Variants in DLG1 observed in about 807,000 individuals in gnomAD.
The protein encoded by DLG1 is discs large MAGUK scaffold protein 1, also known as disks large homolog 1.
In DLG1, 42 loss-of-function variants were observed where a neutral mutation model predicts 123.4. The observed-to-expected ratio is 0.34, with a 90% CI of 0.27 to 0.44. The LOEUF (loss-of-function observed/expected upper bound fraction) is 0.44, where lower values mean the gene tolerates loss of function less well. DLG1 is among the 20% of genes least tolerant of loss of function. DLG1 has a pLI of 1.00. For synonymous variants in DLG1, 317 were observed against 356.2 expected, an observed-to-expected ratio of 0.89 and a Z score of 1.24; for missense variants, 942 against 1,082.6, an observed-to-expected ratio of 0.87 and a Z score of 1.82.
chr3:197,204,361 C>T (rs1727450174), intron 4 of DLG1, among the ~76,000 whole-genome samples: 1 of 152,224 alleles, frequency 6.6e-6, no homozygotes, highest in South Asian at 2.1e-4. Context: ...AAAGCTGCTA[C>T]AGGACCAACT....
At chr3:197,092,321 G>T (rs11185463) in intron 14 of DLG1, among the ~76,000 whole-genome samples, 41,526 of 152,014 alleles carry the variant, frequency 0.27, 6,184 homozygotes, top group African/African-American at 0.37. Context: ...TGGTTCTCAA[G>T]ATAGTGGAGA....
chr3:197,057,976 T>C (rs1239598720), intron 23 of DLG1, among the ~76,000 whole-genome samples: 2 of 152,112 alleles, frequency 1.3e-5, no homozygotes, highest in East Asian at 1.9e-4. Flanking sequence ...TTTTTAAATA[T>C]TGTTTTCTTT....
At chr3:197,254,987 T>C (rs1417264283) in intron 4 of DLG1, among the ~76,000 whole-genome samples, 7 of 151,700 alleles carry the variant, frequency 4.6e-5, no homozygotes, top group Admixed American at 4.6e-4. Context: ...ACCTGGAAGG[T>C]GGAGGTTGCA....
chr3:197,224,248 G>A (rs1209113684), intron 4 of DLG1, among the ~76,000 whole-genome samples: 1 of 151,974 alleles, frequency 6.6e-6, no homozygotes, highest in African/African-American at 2.4e-5. Context: ...TGGAGGATAG[G>A]GGAGGACTTT....
At position 197,132,592 on chromosome 3, in the gene DLG1, C is replaced by T. The variant is rs940482365; in HGVS notation, c.1021-1921G>A. On this transcript the variant is annotated intron_variant, in intron 10 of 24. Coordinates refer to ENST00000667157, the MANE Select transcript of DLG1 (RefSeq NM_001366207.1). ...TGAAATACATATTAAATAGCTGTGGCATACTGCTGAAATACACATTAAATA... is the reference window on the plus strand; with the variant it reads ...TGAAATACATATTAAATAGCTGTGGTATACTGCTGAAATACACATTAAATA... Among the ~76,000 whole-genome samples, 9 of 151,438 alleles carry T rather than the reference C, an allele frequency of 5.9e-5. No individual in the cohort carries two copies. The East Asian group carries it at 1.2e-3, about 20-fold the overall frequency.
At chr3:197,266,783 G>A (rs1053025528) in intron 4 of DLG1, among the ~76,000 whole-genome samples, 2 of 151,500 alleles carry the variant, frequency 1.3e-5, no homozygotes, top group African/African-American at 2.4e-5. Context: ...ACATACCAAC[G>A]AAAAAGACTG....
rs541846770 is a variant in DLG1, at chr3:197,147,675, G to A, written c.537+2068C>T. Among the ~76,000 whole-genome samples, 20 of 152,196 alleles carry A rather than the reference G, an allele frequency of 1.3e-4. No homozygotes were observed. The South Asian group carries it at 2.9e-3, about 22-fold the overall frequency. On this transcript the variant is annotated intron_variant, in intron 6 of 24. Coordinates refer to ENST00000667157, the MANE Select transcript of DLG1 (RefSeq NM_001366207.1). The stretch of plus-strand genomic sequence containing the variant: ...TTGGCATTTGGGGACTCGGGAAAGC[G>A]TGGGACTGGGGTGAGGGATAAAAGA...
chr3:197,054,758 C>T (rs1730476881), intron 23 of DLG1, among the ~76,000 whole-genome samples: 1 of 152,058 alleles, frequency 6.6e-6, no homozygotes, highest in South Asian at 2.1e-4. Context: ...GATCCTCCCA[C>T]CTCAGCTTTG....
At chr3:197,232,321 G>T (rs1227275472) in intron 4 of DLG1, among the ~76,000 whole-genome samples, 2 of 144,024 alleles carry the variant, frequency 1.4e-5, no homozygotes. Flanking sequence ...CTATGATCAC[G>T]CCACTGTACT....
At chr3:197,214,680 G>A (rs909217803) in intron 4 of DLG1, among the ~76,000 whole-genome samples, 2 of 152,100 alleles carry the variant, frequency 1.3e-5, no homozygotes, top group East Asian at 1.9e-4. Flanking sequence ...AACTAGTTTG[G>A]GGGGAGGGGT....
intron 17 of DLG1, among the ~76,000 whole-genome samples, chr3:197,080,309 C>T (rs1422121230): frequency 7.4e-5 from 8 of 108,658 alleles, no homozygotes; most frequent in African/African-American, 1.4e-4. Flanking sequence ...GACAGGGTCT[C>T]ACTCTGTCAC....
At chr3:197,185,930 TC>T (rs1219609380) in intron 5 of DLG1, among the ~76,000 whole-genome samples, 2 of 152,178 alleles carry the variant, frequency 1.3e-5, no homozygotes, top group African/African-American at 4.8e-5. Context: ...TTAGTGTGCA[TC>T]TATTTACCCT....
At chr3:197,058,192 C>A (rs1273563343) in intron 23 of DLG1, among the ~76,000 whole-genome samples, 2 of 152,102 alleles carry the variant, frequency 1.3e-5, no homozygotes, top group East Asian at 3.8e-4. Context: ...GTTGCCCAGG[C>A]TGGTCTTGAA....
At chr3:197,215,554 T>C (rs1230838340) in intron 4 of DLG1, among the ~76,000 whole-genome samples, 1 of 152,066 alleles carries the variant, frequency 6.6e-6, no homozygotes, top group Non-Finnish European at 1.5e-5. Flanking sequence ...AATTACCAAC[T>C]GATTCTATTC....
chr3:197,173,162 T>C (rs1447538736), intron 5 of DLG1, among the ~76,000 whole-genome samples: 1 of 152,202 alleles, frequency 6.6e-6, no homozygotes, highest in African/African-American at 2.4e-5. Flanking sequence ...CTGCACCCTA[T>C]TAAAGTTACC....
rs1345808197 is a variant in DLG1 at position 197,065,692 on chromosome 3, T to C, written c.2200+16A>G. 2.0e-6 allele frequency: 3 copies of C among 1,531,420 alleles called. No individual in the cohort carries two copies. Among genetic ancestry groups the C allele is most frequent in the African/African-American group, 1.4e-5 (1 of 72,882 alleles). 94.9% of individuals were successfully genotyped at this position (1,531,420 alleles called of 1,614,324 possible). A position where few individuals can be genotyped will look rare whatever the true frequency, so the allele number is the denominator to read the frequency against. On this transcript the variant is annotated intron_variant, in intron 21 of 24. Coordinates refer to ENST00000667157, the MANE Select transcript of DLG1 (RefSeq NM_001366207.1). ...GTTAAGAGTAACAATTAAATGTTTT[T>C]GTTTGGTTTACTTACGAGGAACACA...
At chr3:197,105,657 G>A (rs1765928370) in intron 13 of DLG1, among the ~76,000 whole-genome samples, 1 of 152,100 alleles carries the variant, frequency 6.6e-6, no homozygotes, top group Non-Finnish European at 1.5e-5. Context: ...CAGAAGAAGA[G>A]GCAACTTAAT....
At chr3:197,148,411 G>GAAAAAAAAAAAAAAAAAAAAAAA (rs780479244) in intron 6 of DLG1, among the ~76,000 whole-genome samples, 1 of 42,894 alleles carries the variant, frequency 2.3e-5, no homozygotes, top group Non-Finnish European at 4.9e-5. Flanking sequence ...ACTGTCTCAA[G>GAAAAAAAAAAAAAAAAAAAAAAA]AAAAAAAAAA....
intron 4 of DLG1, among the ~76,000 whole-genome samples, chr3:197,265,356 T>C (rs775259783): frequency 1.3e-4 from 20 of 152,198 alleles, no homozygotes; most frequent in Non-Finnish European, 2.8e-4. Flanking sequence ...TTTCAGACAC[T>C]GGACCCTGTG....
Sources: gnomAD v4.1 joint callset for allele counts (sites outside exome capture counted in the v4.1 genomes callset) on GRCh38, gnomAD v4.1.1 for gene constraint, MANE v1.5 for transcripts, NCBI Gene and HGNC (gene_info 2026-07-23, HGNC 2026-07-21) for gene names.